Variants in NCAM1 observed in about 807,000 individuals in gnomAD.
The protein encoded by NCAM1 is antigen recognized by monoclonal antibody 5.1H11.
A neutral mutation model predicts 109.8 loss-of-function variants in NCAM1; 14 were observed. That is an observed-to-expected ratio of 0.13 (90% CI 0.08 to 0.20). NCAM1 has a LOEUF of 0.20. Ranked by LOEUF, NCAM1 falls within the 10% of genes least tolerant of loss-of-function variation. The pLI, the probability that NCAM1 is intolerant of heterozygous loss-of-function variation, is 1.00. For missense variants in NCAM1, 774 were observed against 1,109.9 expected (o/e 0.70, Z 4.30); for synonymous variants, 418 against 442.9 (o/e 0.94, Z 0.70).
chr11:113,143,416 G>A (rs1163834534), intron 1 of NCAM1, among the ~76,000 whole-genome samples: 2 of 152,072 alleles, frequency 1.3e-5, no homozygotes, highest in African/African-American at 4.8e-5. Context: ...AAATGGCGCC[G>A]GATATGTTAA....
intron 1 of NCAM1, among the ~76,000 whole-genome samples, chr11:113,000,353 G>T (rs1183473715): frequency 6.6e-6 from 1 of 152,112 alleles, no homozygotes; most frequent in Admixed American, 6.5e-5. Context: ...GCTGTGAACA[G>T]AAAGAATACA....
intron 1 of NCAM1, among the ~76,000 whole-genome samples, chr11:113,063,727 A>G (rs1282098585): frequency 6.9e-6 from 1 of 143,928 alleles, no homozygotes; most frequent in African/African-American, 2.4e-5. Context: ...TGCTAAGAAC[A>G]TATGATACTT....
At chr11:113,125,128 T>C (rs1268904242) in intron 1 of NCAM1, among the ~76,000 whole-genome samples, 2 of 152,230 alleles carry the variant, frequency 1.3e-5, no homozygotes, top group Non-Finnish European at 2.9e-5. Flanking sequence ...CCTCGTATTC[T>C]GAAGCACAGT....
chr11:113,048,450 G>T (rs1565404550), intron 1 of NCAM1, among the ~76,000 whole-genome samples: 1 of 152,146 alleles, frequency 6.6e-6, no homozygotes, highest in South Asian at 2.1e-4. Context: ...AAGATAAACT[G>T]CTACCTGTGG....
intron 1 of NCAM1, among the ~76,000 whole-genome samples, chr11:113,126,196 C>G (rs3018457): frequency 6.6e-6 from 1 of 151,354 alleles, no homozygotes; most frequent in Non-Finnish European, 1.5e-5. Context: ...CCTCCCCTAC[C>G]CTTAACAACA....
chr11:113,217,327 T>G lies in NCAM1; in HGVS notation c.1059+2816T>G, dbSNP rs570398971. 3.9e-5 allele frequency among the ~76,000 whole-genome samples: 6 copies of G among 152,336 alleles called. No individual in the cohort carries two copies. In the East Asian group the frequency reaches 5.8e-4, roughly 15 times the overall value. ...CTTCCTCTACTCAGTCCTCCTAGCCTCTGCCACTCAGTCCTTTGCATGAGA... is the reference window on the plus strand; with the variant it reads ...CTTCCTCTACTCAGTCCTCCTAGCCGCTGCCACTCAGTCCTTTGCATGAGA... On this transcript the variant is annotated intron_variant, in intron 8 of 19. Coordinates refer to ENST00000316851, the MANE Select transcript of NCAM1 (RefSeq NM_181351.5).
At chr11:113,000,845 T>TACACAC (rs1278687341) in intron 1 of NCAM1, among the ~76,000 whole-genome samples, 11 of 103,876 alleles carry the variant, frequency 1.1e-4, no homozygotes, top group African/African-American at 3.9e-4. Context: ...TATATATATA[T>TACACAC]ATACACAAAA....
chr11:113,208,074 A>G (rs1342864352), intron 7 of NCAM1, 72 bp downstream of exon 7: 1 of 1,493,384 alleles, frequency 6.7e-7, no homozygotes, highest in Non-Finnish European at 9.1e-7. Flanking sequence ...GTCCATCAGT[A>G]AGACCCTGGC....
intron 1 of NCAM1, among the ~76,000 whole-genome samples, chr11:113,111,938 C>G (rs572796828): frequency 1.3e-5 from 2 of 152,282 alleles, no homozygotes; most frequent in East Asian, 3.9e-4. Flanking sequence ...TTTCTCATCG[C>G]AGATCTTATT....
intron 1 of NCAM1, among the ~76,000 whole-genome samples, chr11:113,016,973 C>T (rs1009775301): frequency 3.9e-5 from 6 of 152,144 alleles, no homozygotes; most frequent in South Asian, 4.1e-4. Flanking sequence ...TGCTTCCAAC[C>T]GATGTTTGCA....
At chr11:113,048,737 C>T (rs758156921) in intron 1 of NCAM1, among the ~76,000 whole-genome samples, 1 of 152,218 alleles carries the variant, frequency 6.6e-6, no homozygotes, top group Non-Finnish European at 1.5e-5. Context: ...CATACCAGCT[C>T]AGTGATCTCA....
chr11:113,101,491 A>G (rs545511422), intron 1 of NCAM1, among the ~76,000 whole-genome samples: 12 of 152,052 alleles, frequency 7.9e-5, no homozygotes, highest in Non-Finnish European at 1.5e-4. Context: ...TGCATTGTGT[A>G]TTGTGTATTG....
intron 17 of NCAM1, chr11:113,263,961 A>C (rs1946077049): frequency 2.0e-6 from 2 of 985,312 alleles, no homozygotes; most frequent in African/African-American, 3.5e-5. Flanking sequence ...GCGTTGGTTC[A>C]GTGACATTTT....
intron 1 of NCAM1, among the ~76,000 whole-genome samples, chr11:112,970,988 G>C (rs1170417044): frequency 3.3e-5 from 5 of 152,122 alleles, no homozygotes; most frequent in African/African-American, 1.2e-4. Context: ...AAATATGATG[G>C]AGAAATTAAG....
At chr11:113,021,991 C>G (rs1441691914) in intron 1 of NCAM1, among the ~76,000 whole-genome samples, 1 of 152,108 alleles carries the variant, frequency 6.6e-6, no homozygotes, top group Non-Finnish European at 1.5e-5. Context: ...TAAGAATGAG[C>G]TGGAAAAATA....
At chr11:113,140,993 C>T (rs1009903530) in intron 1 of NCAM1, among the ~76,000 whole-genome samples, 4 of 152,124 alleles carry the variant, frequency 2.6e-5, no homozygotes, top group African/African-American at 4.8e-5. Context: ...AATAGTAGAA[C>T]TATCCATTCT....
chr11:113,262,911 C>G (rs781909700), intron 17 of NCAM1: 1 of 1,613,836 alleles, frequency 6.2e-7, no homozygotes, highest in Admixed American at 1.7e-5. Context: ...AGTGACTCTT[C>G]TTTTGCTCTG....
Position 113,275,489 on chromosome 11 carries a change from AACACACATGCAC to A in NCAM1, c.*110_*121del. Reference sequence around the variant, plus strand: ...ACACACACACGCACGCACACACACAAACACACATGCACACACACACATCTCATTTCTCTAGTG... The same window carrying A: ...ACACACACACGCACGCACACACACAAACACACACATCTCATTTCTCTAGTG... On this transcript the variant is annotated 3_prime_UTR_variant, in exon 20 of 20. Coordinates refer to ENST00000316851, the MANE Select transcript of NCAM1 (RefSeq NM_181351.5). The A allele has an allele frequency of 2.2e-6, 3 of 1,373,348 alleles. No homozygotes were observed. Among genetic ancestry groups the A allele is most frequent in the Non-Finnish European group, 3.0e-6 (3 of 1,001,582 alleles). The allele number at this position is 1,373,348 out of a possible 1,614,324, so 85.1% of individuals were successfully genotyped here. A position where few individuals can be genotyped will look rare whatever the true frequency, so the allele number is the denominator to read the frequency against.
At chr11:112,991,865 T>C (rs7115165) in intron 1 of NCAM1, among the ~76,000 whole-genome samples, 68,601 of 152,060 alleles carry the variant, frequency 0.45, 16,357 homozygotes, top group East Asian at 0.8. Flanking sequence ...GTTTTAATGA[T>C]GGGTAATGTA....
Sources: allele counts gnomAD v4.1 joint callset (sites outside exome capture counted in the v4.1 genomes callset), GRCh38; gene constraint gnomAD v4.1.1; transcripts MANE v1.5; gene names NCBI Gene and HGNC (gene_info 2026-07-23, HGNC 2026-07-21).